Variants in SRPK2 observed in about 807,000 individuals in gnomAD.
SRPK2 encodes SFRS protein kinase 2.
Under a neutral mutation model 90.8 loss-of-function variants are expected in SRPK2, and 21 were observed. The observed-to-expected ratio is 0.23, with a 90% CI of 0.16 to 0.33. The LOEUF is 0.33. Ranked by LOEUF, SRPK2 falls within the 10% of genes least tolerant of loss-of-function variation. The pLI is 1.00. For synonymous variants in SRPK2, 288 were observed against 311.1 expected, an observed-to-expected ratio of 0.93 and a Z score of 0.78; for missense variants, 620 against 869.0, an observed-to-expected ratio of 0.71 and a Z score of 3.60.
chr7:105,359,987 C>T (rs915038686), intron 2 of SRPK2, among the ~76,000 whole-genome samples: 6 of 152,058 alleles, frequency 3.9e-5, no homozygotes, highest in African/African-American at 1.4e-4. Flanking sequence ...GTGTTAAAGT[C>T]TCCCATTATT....
intron 7 of SRPK2, among the ~76,000 whole-genome samples, chr7:105,156,971 A>C (rs114563598): frequency 1.3e-5 from 2 of 152,366 alleles, no homozygotes; most frequent in African/African-American, 4.8e-5. Context: ...AAGCTTCAGC[A>C]AACAGGCAAT....
intron 2 of SRPK2, among the ~76,000 whole-genome samples, chr7:105,362,086 G>A (rs1169836756): frequency 3.3e-5 from 5 of 151,976 alleles, no homozygotes; most frequent in Admixed American, 6.6e-5. Flanking sequence ...CTGACAAAGG[G>A]CTAATATCCA....
intron 2 of SRPK2, among the ~76,000 whole-genome samples, chr7:105,326,082 T>TA (rs1278532628): frequency 1.3e-5 from 2 of 152,212 alleles, no homozygotes; most frequent in East Asian, 3.8e-4. Flanking sequence ...GGTGTGGCAG[T>TA]AAAAAGTTTA....
At chr7:105,237,492 G>C (rs1800278029) in intron 2 of SRPK2, among the ~76,000 whole-genome samples, 1 of 152,186 alleles carries the variant, frequency 6.6e-6, no homozygotes, top group Non-Finnish European at 1.5e-5. Context: ...AAGCTCAGAG[G>C]AGCGAACAGT....
In SRPK2 at chr7:105,301,521, G is replaced by A. The variant is rs577953134; in HGVS notation, c.71+87127C>T. 40 of 1,433,222 alleles carry A rather than the reference G, an allele frequency of 2.8e-5. 1 individual carries two copies. Among genetic ancestry groups the A allele is most frequent in the Middle Eastern group, 4.9e-4 (2 of 4,104 alleles). The allele number at this position is 1,433,222 out of a possible 1,614,324, so 88.8% of individuals were successfully genotyped here. On this transcript the variant is annotated intron_variant, in intron 2 of 15. Transcript: ENST00000393651. ...GGAGGCGCCCCGCAACCGGTGTGACGAGTGCCAACGAGGACCAGGAGATGG... is the reference window on the plus strand; with the variant it reads ...GGAGGCGCCCCGCAACCGGTGTGACAAGTGCCAACGAGGACCAGGAGATGG...
At chr7:105,272,396 GT>G (rs1456074537) in intron 2 of SRPK2, among the ~76,000 whole-genome samples, 1 of 152,134 alleles carries the variant, frequency 6.6e-6, no homozygotes, top group East Asian at 1.9e-4. Context: ...CAGGCAAGCA[GT>G]TCCTGTGTAG....
intron 11 of SRPK2, among the ~76,000 whole-genome samples, chr7:105,136,997 A>C (rs967378443): frequency 2.6e-5 from 4 of 152,250 alleles, no homozygotes; most frequent in African/African-American, 9.6e-5. Flanking sequence ...TCAGGTAGCT[A>C]AACAGGCTAT....
At chr7:105,396,644 GGA>G (rs950790418) in intron 1 of SRPK2, among the ~76,000 whole-genome samples, 2 of 148,200 alleles carry the variant, frequency 1.3e-5, no homozygotes, top group African/African-American at 2.5e-5. Context: ...AGAAAGAAAG[GGA>G]GAGAGAGAGA....
intron 15 of SRPK2, chr7:105,125,676 C>T (rs1049086908): frequency 1.3e-5 from 5 of 392,136 alleles, no homozygotes; most frequent in Non-Finnish European, 1.8e-5. Context: ...AAGAATTCCC[C>T]AGTTGTGAAA....
chr7:105,310,912 C>A (rs1019150300), intron 2 of SRPK2, among the ~76,000 whole-genome samples: 1 of 152,140 alleles, frequency 6.6e-6, no homozygotes, highest in Non-Finnish European at 1.5e-5. Flanking sequence ...CAAATCCACC[C>A]TTCCACAAAT....
intron 2 of SRPK2, among the ~76,000 whole-genome samples, chr7:105,329,469 T>C (rs778159523): frequency 3.9e-4 from 59 of 151,636 alleles, no homozygotes; most frequent in Admixed American, 6.6e-5. Context: ...GGTGAACGCA[T>C]GGAATCTCAG....
At chr7:105,223,739 A>G (rs200706956) in intron 2 of SRPK2, among the ~76,000 whole-genome samples, 1 of 152,220 alleles carries the variant, frequency 6.6e-6, no homozygotes, top group East Asian at 1.9e-4. Context: ...TCTTGAAGCT[A>G]ATTTTTGTCA....
intron 2 of SRPK2, among the ~76,000 whole-genome samples, chr7:105,375,834 A>G (rs1585958344): frequency 1.3e-5 from 2 of 152,208 alleles, no homozygotes; most frequent in African/African-American, 4.8e-5. Context: ...GGTATGGAGA[A>G]GCTCACCATA....
At chr7:105,350,455 G>A (rs1817034025) in intron 2 of SRPK2, among the ~76,000 whole-genome samples, 1 of 150,772 alleles carries the variant, frequency 6.6e-6, no homozygotes, top group South Asian at 2.1e-4. Flanking sequence ...GATACAGCTG[G>A]CATTATGCTA....
chr7:105,303,933 T>TA (rs1316497230), intron 2 of SRPK2, among the ~76,000 whole-genome samples: 4 of 152,182 alleles, frequency 2.6e-5, no homozygotes, highest in African/African-American at 9.7e-5. Flanking sequence ...GATCTTTTGT[T>TA]AACAGCTGAA....
intron 6 of SRPK2, 31 bp from the exon 7 acceptor site, chr7:105,160,644 G>A: frequency 7.4e-7 from 1 of 1,349,118 alleles, no homozygotes; most frequent in Non-Finnish European, 1.1e-6. Flanking sequence ...GTTTGTGGAT[G>A]CACTGCCTGG....
rs60572082 is a variant in SRPK2 at position 105,373,404 on chromosome 7, C to CTT, written c.71+15242_71+15243dup. ...AAAAAAAAAAATTTTTTTTCTTTTC[C>CTT]TTTTTTTTTTTTTTTTGAAACAAAG... is the stretch of plus-strand genomic sequence containing the variant. On this transcript the variant is annotated intron_variant, in intron 2 of 15. Coordinates refer to ENST00000393651, the MANE Select transcript of SRPK2 (RefSeq NM_182692.3). Among the ~76,000 whole-genome samples the CTT allele has an allele frequency of 9.3e-3, 1,190 of 127,388 alleles. 18 individuals are homozygous for CTT. The highest frequency in any genetic ancestry group is 0.025 in the African/African-American group (882 of 35,102). 83.6% of individuals were successfully genotyped at this position (127,388 alleles called of 152,430 possible).
intron 2 of SRPK2, among the ~76,000 whole-genome samples, chr7:105,229,914 G>A (rs1345173350): frequency 6.6e-6 from 1 of 152,204 alleles, no homozygotes; most frequent in African/African-American, 2.4e-5. Flanking sequence ...TTTATTTTAA[G>A]TACTAAGTGG....
intron 2 of SRPK2, among the ~76,000 whole-genome samples, chr7:105,374,489 A>T (rs1437247194): frequency 6.6e-6 from 1 of 152,230 alleles, no homozygotes; most frequent in African/African-American, 2.4e-5. Flanking sequence ...CTGAAGTAAT[A>T]CCATGCCAGA....
Sources: gnomAD v4.1 joint callset for allele counts (sites outside exome capture counted in the v4.1 genomes callset) on GRCh38, gnomAD v4.1.1 for gene constraint, MANE v1.5 for transcripts, NCBI Gene and HGNC (gene_info 2026-07-23, HGNC 2026-07-21) for gene names.